The following SHC4 variants were observed in gnomAD, a reference collection of about 807,000 sequenced individuals.
The protein encoded by SHC4 is SHC adaptor protein 4.
Under a neutral mutation model 69.4 loss-of-function variants are expected in SHC4, and 41 were observed. That is an observed-to-expected ratio of 0.59 (90% CI 0.46 to 0.77). SHC4 has a LOEUF of 0.77. SHC4 is among the 30% of genes least tolerant of loss of function. The pLI is 0.00. For synonymous variants in SHC4, 318 were observed against 299.3 expected (o/e 1.06, Z -0.64); for missense variants, 777 against 783.8 (o/e 0.99, Z 0.10).
chr15:48,923,335 G>C (rs758587204), intron 2 of SHC4, among the ~76,000 whole-genome samples: 4 of 152,156 alleles, frequency 2.6e-5, no homozygotes, highest in Non-Finnish European at 1.5e-5. Flanking sequence ...TGGATGACCT[G>C]AGGTCAGGAG....
At chr15:48,849,411 G>T (rs1899162789) in intron 9 of SHC4, among the ~76,000 whole-genome samples, 1 of 152,042 alleles carries the variant, frequency 6.6e-6, no homozygotes, top group South Asian at 2.1e-4. Flanking sequence ...TAACATCTTG[G>T]GCTTTGAAAC....
intron 4 of SHC4, 110 bp downstream of exon 4, chr15:48,884,138 C>G: frequency 8.6e-7 from 1 of 1,163,924 alleles, no homozygotes; most frequent in Non-Finnish European, 1.1e-6. Flanking sequence ...TTCCCTTGTG[C>G]TGTATTAGGT....
intron 1 of SHC4, among the ~76,000 whole-genome samples, chr15:48,960,018 A>G (rs1901516010): frequency 6.6e-6 from 1 of 152,234 alleles, no homozygotes; most frequent in South Asian, 2.1e-4. Flanking sequence ...AAACTTAATA[A>G]GTAAGTTCTT....
intron 1 of SHC4, among the ~76,000 whole-genome samples, chr15:48,928,692 TA>T (rs1165570837): frequency 6.6e-6 from 1 of 152,194 alleles, no homozygotes; most frequent in Non-Finnish European, 1.5e-5. Flanking sequence ...TGCTTCGGAC[TA>T]AGGCAAGCCC....
chr15:48,845,458 C>T (rs1899069727), intron 9 of SHC4, among the ~76,000 whole-genome samples: 1 of 152,132 alleles, frequency 6.6e-6, no homozygotes, highest in African/African-American at 2.4e-5. Flanking sequence ...CATTTTACCA[C>T]CTATAAGATA....
At chr15:48,856,476 C>T (rs1878879375) in intron 7 of SHC4, among the ~76,000 whole-genome samples, 1 of 152,018 alleles carries the variant, frequency 6.6e-6, no homozygotes. Context: ...ATCTCCAGCA[C>T]ACTTTGATTG....
chr15:48,836,635 T>C (rs1038773797), intron 10 of SHC4, among the ~76,000 whole-genome samples: 1 of 152,192 alleles, frequency 6.6e-6, no homozygotes, highest in Admixed American at 6.5e-5. Flanking sequence ...TGTTTATGTG[T>C]CCTTAGGTAA....
intron 1 of SHC4, among the ~76,000 whole-genome samples, chr15:48,953,018 A>C (rs1407846206): frequency 6.6e-6 from 1 of 152,210 alleles, no homozygotes; most frequent in Non-Finnish European, 1.5e-5. Flanking sequence ...AATCAACCTA[A>C]ATGAAGATCA....
rs558947428 is a variant in SHC4 at position 48,952,701 on chromosome 15, C to T, written c.585+9730G>A. Among the ~76,000 whole-genome samples the T allele has an allele frequency of 2.0e-5, 3 of 152,272 alleles. No homozygotes were observed. The South Asian group carries it at 6.2e-4, about 32-fold the overall frequency. On this transcript the variant is annotated intron_variant, in intron 1 of 11. Transcript: ENST00000332408. ...GGCTCAACATCACTGATCATTAGAA[C>T]AATGCAAATCAAAACCACATACCAT...
intron 6 of SHC4, among the ~76,000 whole-genome samples, chr15:48,858,942 T>C (rs1899383777): frequency 6.6e-6 from 1 of 152,134 alleles, no homozygotes; most frequent in Non-Finnish European, 1.5e-5. Flanking sequence ...GAGAATCAGA[T>C]TAAATACCAG....
chr15:48,907,470 G>A (rs1310140919), intron 2 of SHC4, among the ~76,000 whole-genome samples: 1 of 151,772 alleles, frequency 6.6e-6, no homozygotes, highest in East Asian at 1.9e-4. Context: ...CACGAGTAAG[G>A]TCTTTAGTGG....
At chr15:48,942,706 A>G (rs1901197128) in intron 1 of SHC4, among the ~76,000 whole-genome samples, 1 of 152,236 alleles carries the variant, frequency 6.6e-6, no homozygotes, top group South Asian at 2.1e-4. Context: ...TGATGTAAGT[A>G]ATCAAAAAGT....
intron 4 of SHC4, among the ~76,000 whole-genome samples, chr15:48,883,933 G>A (rs1361945995): frequency 6.6e-6 from 1 of 152,196 alleles, no homozygotes; most frequent in African/African-American, 2.4e-5. Context: ...TCCATTTGGG[G>A]AGGGTTGGTG....
intron 2 of SHC4, among the ~76,000 whole-genome samples, chr15:48,914,104 G>C (rs1411519207): frequency 1.3e-5 from 2 of 152,218 alleles, no homozygotes; most frequent in African/African-American, 4.8e-5. Flanking sequence ...CAAGGGAGCT[G>C]TCTGCCTTGG....
chr15:48,860,463 C>A (rs780292627), intron 6 of SHC4, among the ~76,000 whole-genome samples: 1 of 151,920 alleles, frequency 6.6e-6, no homozygotes, highest in South Asian at 2.1e-4. Context: ...GCCAAGATGG[C>A]GTCATTGCAC....
intron 1 of SHC4, among the ~76,000 whole-genome samples, chr15:48,936,418 A>G (rs60658076): frequency 0.2 from 30,349 of 152,122 alleles, 3,246 homozygotes; most frequent in East Asian, 0.42. Flanking sequence ...AAGTGAGCAA[A>G]GCCTTTCACT....
chr15:48,956,791 C>T (rs1205556756), intron 1 of SHC4, among the ~76,000 whole-genome samples: 1 of 152,146 alleles, frequency 6.6e-6, no homozygotes, highest in Non-Finnish European at 1.5e-5. Flanking sequence ...TCTTTCTCTT[C>T]TCTGCTAACA....
intron 7 of SHC4, 55 bp from the exon 8 acceptor site, chr15:48,856,179 G>A: frequency 6.7e-7 from 1 of 1,503,252 alleles, no homozygotes. Flanking sequence ...AATACTGTAA[G>A]GGATGCAAGG....
intron 7 of SHC4, 77 bp from the exon 8 acceptor site, chr15:48,856,201 A>G (rs1171885159): frequency 7.3e-7 from 1 of 1,360,974 alleles, no homozygotes; most frequent in Non-Finnish European, 1.0e-6. Flanking sequence ...GATCAGAACC[A>G]AGCAAATCAT....
Sources: gnomAD v4.1 joint callset for allele counts (sites outside exome capture counted in the v4.1 genomes callset) on GRCh38, gnomAD v4.1.1 for gene constraint, MANE v1.5 for transcripts, NCBI Gene and HGNC (gene_info 2026-07-23, HGNC 2026-07-21) for gene names.